Variants in CNTN5 observed in about 807,000 individuals in gnomAD.
The protein encoded by CNTN5 is contactin-5.
Under a neutral mutation model 129.1 loss-of-function variants are expected in CNTN5, and 77 were observed. That is an observed-to-expected ratio of 0.60 (90% CI 0.50 to 0.72). CNTN5 has a LOEUF of 0.72. Among genes scored for constraint, CNTN5 ranks in the 30% least tolerant of loss-of-function variants. The probability of loss-of-function intolerance (pLI) is 0.00; values close to 1 mark genes in which losing one functional copy is unlikely to be tolerated. For synonymous variants in CNTN5, 509 were observed against 465.6 expected (o/e 1.09, Z -1.20); for missense variants, 1,478 against 1,328.8 (o/e 1.11, Z -1.75).
intron 1 of CNTN5, among the ~76,000 whole-genome samples, chr11:99,256,812 C>T (rs1411109321): frequency 2.0e-5 from 3 of 151,830 alleles, no homozygotes. Flanking sequence ...TACGCAATAC[C>T]TTCTATGTGT....
In CNTN5 at chr11:99,926,961, G is replaced by C. The variant is rs547393670; in HGVS notation, c.673+10812G>C. Among the ~76,000 whole-genome samples the C allele has an allele frequency of 1.9e-4, 29 of 152,230 alleles. No individual in the cohort carries two copies. The South Asian group carries it at 5.4e-3, about 28-fold the overall frequency. Reference sequence around the variant, plus strand: ...CATTTTATAAATAACTTATGCAAAAGATATTGGCAAGATGGAAATACATAG... The same window carrying C: ...CATTTTATAAATAACTTATGCAAAACATATTGGCAAGATGGAAATACATAG... On this transcript the variant is annotated intron_variant, in intron 7 of 24. Transcript: ENST00000524871.
intron 3 of CNTN5, among the ~76,000 whole-genome samples, chr11:99,813,839 T>C (rs1261143259): frequency 6.6e-6 from 1 of 152,116 alleles, no homozygotes; most frequent in Non-Finnish European, 1.5e-5. Context: ...AAAATGGTCC[T>C]TAAACTTAGC....
chr11:99,385,742 A>G (rs1940886160), intron 2 of CNTN5, among the ~76,000 whole-genome samples: 1 of 152,164 alleles, frequency 6.6e-6, no homozygotes, highest in African/African-American at 2.4e-5. Context: ...GATCCAGAAT[A>G]AGAAGGAGTT....
At chr11:100,214,478 T>G (rs942811957) in intron 15 of CNTN5, among the ~76,000 whole-genome samples, 7 of 152,198 alleles carry the variant, frequency 4.6e-5, no homozygotes, top group Non-Finnish European at 7.3e-5. Context: ...CCTGAAAATC[T>G]CCTTACATAA....
At chr11:99,917,815 C>T (rs1235552281) in intron 7 of CNTN5, among the ~76,000 whole-genome samples, 1 of 152,040 alleles carries the variant, frequency 6.6e-6, no homozygotes, top group Non-Finnish European at 1.5e-5. Context: ...CAATGAATTG[C>T]ATATATGGTA....
intron 1 of CNTN5, among the ~76,000 whole-genome samples, chr11:99,129,846 T>C (rs1182594879): frequency 1.3e-5 from 2 of 152,166 alleles, no homozygotes; most frequent in Non-Finnish European, 2.9e-5. Flanking sequence ...ATCCAGAATT[T>C]CATATCCAGC....
At chr11:99,179,089 T>C (rs538779786) in intron 1 of CNTN5, among the ~76,000 whole-genome samples, 20 of 152,318 alleles carry the variant, frequency 1.3e-4, no homozygotes, top group African/African-American at 4.6e-4. Flanking sequence ...TACCTTCATA[T>C]AATAAACAGT....
intron 8 of CNTN5, among the ~76,000 whole-genome samples, chr11:99,999,828 T>TA (rs1006806375): frequency 1.1e-4 from 17 of 151,976 alleles, no homozygotes; most frequent in African/African-American, 4.1e-4. Context: ...TACGCAGCCA[T>TA]AAAAAATGAT....
intron 1 of CNTN5, among the ~76,000 whole-genome samples, chr11:99,130,143 G>A (rs61893381): frequency 0.9 from 137,186 of 151,868 alleles, 62,147 homozygotes; most frequent in East Asian, 0.99. Flanking sequence ...TGGGCTAAAT[G>A]CCCCAATTAA....
At chr11:100,298,306 C>T (rs1293782355) in intron 19 of CNTN5, among the ~76,000 whole-genome samples, 1 of 151,136 alleles carries the variant, frequency 6.6e-6, no homozygotes, top group African/African-American at 2.4e-5. Flanking sequence ...TTTGTCCATT[C>T]CCCCTTTTCT....
chr11:100,008,844 A>AT (rs1459812379), intron 9 of CNTN5, among the ~76,000 whole-genome samples: 2 of 152,168 alleles, frequency 1.3e-5, no homozygotes, highest in African/African-American at 4.8e-5. Context: ...AATTTCTTTG[A>AT]TTTTTAAAGA....
intron 9 of CNTN5, among the ~76,000 whole-genome samples, chr11:100,035,013 C>T (rs959702819): frequency 1.1e-4 from 17 of 151,854 alleles, no homozygotes; most frequent in East Asian, 3.9e-4. Flanking sequence ...GGTACATGTG[C>T]GCAACGTGCA....
At chr11:99,792,450 G>C (rs1945778761) in intron 3 of CNTN5, among the ~76,000 whole-genome samples, 1 of 151,702 alleles carries the variant, frequency 6.6e-6, no homozygotes, top group Non-Finnish European at 1.5e-5. Flanking sequence ...CTAGGTTTTT[G>C]ATGTGCTGCT....
chr11:100,300,565 A>G (rs1405995471), intron 20 of CNTN5, among the ~76,000 whole-genome samples: 1 of 151,562 alleles, frequency 6.6e-6, no homozygotes, highest in East Asian at 1.9e-4. Context: ...CCCCCCATGA[A>G]GCTATGAGCT....
At chr11:100,018,810 AGT>A (rs576834900) in intron 9 of CNTN5, among the ~76,000 whole-genome samples, 155 of 152,056 alleles carry the variant, frequency 1.0e-3, no homozygotes, top group Non-Finnish European at 1.9e-3. Context: ...GGAGAGTCCA[AGT>A]ACCTCCACGT....
chr11:99,868,546 G>A (rs368821635), intron 6 of CNTN5, among the ~76,000 whole-genome samples: 14 of 152,192 alleles, frequency 9.2e-5, no homozygotes, highest in East Asian at 5.8e-4. Flanking sequence ...GCTCCATTTC[G>A]CAAACTATTC....
At chr11:99,913,912 G>A (rs918115169) in intron 6 of CNTN5, among the ~76,000 whole-genome samples, 1 of 152,006 alleles carries the variant, frequency 6.6e-6, no homozygotes, top group South Asian at 2.1e-4. Flanking sequence ...AGAATTTGTA[G>A]ATTCGATGAA....
At chr11:99,894,554 A>G (rs1224309989) in intron 6 of CNTN5, among the ~76,000 whole-genome samples, 1 of 151,308 alleles carries the variant, frequency 6.6e-6, no homozygotes, top group Non-Finnish European at 1.5e-5. Flanking sequence ...ACAAAAACAA[A>G]AACAAAAAAA....
At position 99,061,603 on chromosome 11, in the gene CNTN5, A is replaced by G. The variant is rs148879236; in HGVS notation, c.-210+40333A>G. On this transcript the variant is annotated intron_variant, in intron 1 of 24. Coordinates refer to ENST00000524871, the MANE Select transcript of CNTN5 (RefSeq NM_014361.4). ...ATAACACACACTCCAGATAAGATCT[A>G]CAGGCAAAGCAAAATCTTCATAAAA... Among the ~76,000 whole-genome samples the G allele has an allele frequency of 2.6e-4, 40 of 152,314 alleles. 1 individual carries two copies. The East Asian group carries it at 7.0e-3, about 26-fold the overall frequency.
Sources: allele counts gnomAD v4.1 joint callset (sites outside exome capture counted in the v4.1 genomes callset), GRCh38; gene constraint gnomAD v4.1.1; transcripts MANE v1.5; gene names NCBI Gene and HGNC (gene_info 2026-07-23, HGNC 2026-07-21).